Variants in ANKUB1 observed in about 807,000 individuals in gnomAD.
ANKUB1 encodes the protein protein ANKUB1.
In ANKUB1, 42 loss-of-function variants were observed where a neutral mutation model predicts 49.3. The observed-to-expected ratio is 0.85, with a 90% CI of 0.67 to 1.10. ANKUB1 has a LOEUF of 1.10. ANKUB1 is among the 50% of genes least tolerant of loss of function. The probability of loss-of-function intolerance (pLI) is 0.00; values close to 1 mark genes in which losing one functional copy is unlikely to be tolerated. For synonymous variants in ANKUB1, 222 were observed against 231.0 expected, an observed-to-expected ratio of 0.96 and a Z score of 0.35; for missense variants, 613 against 642.0, an observed-to-expected ratio of 0.95 and a Z score of 0.49.
intron 3 of ANKUB1, among the ~76,000 whole-genome samples, chr3:149,771,935 G>A (rs1243047480): frequency 6.7e-6 from 1 of 150,178 alleles, no homozygotes; most frequent in Non-Finnish European, 1.5e-5. Flanking sequence ...CACCCAACCT[G>A]CTTTTTCTCC....
chr3:149,766,933 G>C, intron 5 of ANKUB1: 2 of 1,105,618 alleles, frequency 1.8e-6, no homozygotes, highest in Non-Finnish European at 2.6e-6. Context: ...TTTCCCTCCT[G>C]AAAGTTTGAG....
chr3:149,779,780 T>TC, intron 3 of ANKUB1: 1 of 164,606 alleles, frequency 6.1e-6, no homozygotes, highest in Admixed American at 5.7e-5. Context: ...ACCCTGAGGA[T>TC]ATTAATGAAT....
intron 5 of ANKUB1, among the ~76,000 whole-genome samples, chr3:149,765,008 T>C (rs1402011779): frequency 6.6e-6 from 1 of 152,188 alleles, no homozygotes; most frequent in Admixed American, 6.6e-5. Flanking sequence ...CCAAAACTCA[T>C]ATGCAAGAAC....
chr3:149,788,582 T>C (rs1252199975), intron 2 of ANKUB1, among the ~76,000 whole-genome samples: 6 of 152,126 alleles, frequency 3.9e-5, no homozygotes, highest in Non-Finnish European at 8.8e-5. Flanking sequence ...CTTTTACCCC[T>C]ACTTTTTATT....
intron 2 of ANKUB1, among the ~76,000 whole-genome samples, chr3:149,790,262 C>T (rs527305034): frequency 1.9e-4 from 29 of 152,248 alleles, no homozygotes; most frequent in East Asian, 9.7e-4. Flanking sequence ...AACCGTGCAT[C>T]TTAAGCACCA....
rs1245862690 is a variant in ANKUB1, at chr3:149,767,292, A to C, written c.1370T>G (p.Val457Gly). 4 of 1,551,290 alleles carry C rather than the reference A, an allele frequency of 2.6e-6. No homozygotes were observed. In the Admixed American group the frequency reaches 7.8e-5, roughly 30 times the overall value. ...GAAAAACGATGGATGTGAATATCCC[A>C]CTCTTGAAACTGGAGGGAGGGGGAC... ...PQVPLPPVSRVGYSHPSFFYA... is the reference protein window; with the variant it reads ...PQVPLPPVSRGGYSHPSFFYA... Residue 457 changes from valine to glycine, a missense_variant, in exon 5 of 6, where the codon GTG (valine) becomes GGG (glycine). Coordinates refer to ENST00000446160, the MANE Select transcript of ANKUB1 (RefSeq NM_001144960.3).
At chr3:149,778,012 T>C (rs1294403743) in intron 3 of ANKUB1, among the ~76,000 whole-genome samples, 1 of 152,218 alleles carries the variant, frequency 6.6e-6, no homozygotes, top group Non-Finnish European at 1.5e-5. Flanking sequence ...CAACTCCTGA[T>C]AGCAGCAGGG....
chr3:149,780,011 T>G (rs1273648496), intron 3 of ANKUB1: 11 of 538,120 alleles, frequency 2.0e-5, no homozygotes, highest in African/African-American at 1.9e-4. Context: ...GGGAACTAAG[T>G]GCTTGTAAGG....
chr3:149,791,070 C>T, intron 1 of ANKUB1, 146 bp from the exon 2 acceptor site: 1 of 687,348 alleles, frequency 1.5e-6, no homozygotes, highest in Non-Finnish European at 2.2e-6. Context: ...GGGTTCTTAA[C>T]TTAGAGAACT....
At chr3:149,761,893 C>G (rs1035485825) in intron 5 of ANKUB1, among the ~76,000 whole-genome samples, 1 of 152,162 alleles carries the variant, frequency 6.6e-6, no homozygotes, top group Admixed American at 6.6e-5. Flanking sequence ...AACTTTTTCT[C>G]TCTCCTCTCT....
At chr3:149,766,159 T>C (rs1717004563) in intron 5 of ANKUB1, among the ~76,000 whole-genome samples, 2 of 152,214 alleles carry the variant, frequency 1.3e-5, no homozygotes, top group Admixed American at 1.3e-4. Context: ...TTGTGTACCT[T>C]AAACATCTAA....
At chr3:149,787,727 A>T (rs1261604922) in intron 2 of ANKUB1, among the ~76,000 whole-genome samples, 1 of 152,214 alleles carries the variant, frequency 6.6e-6, no homozygotes, top group Non-Finnish European at 1.5e-5. Context: ...TATACAGGGA[A>T]GCTGGAAAAA....
chr3:149,777,707 A>G (rs911969443), intron 3 of ANKUB1, among the ~76,000 whole-genome samples: 1 of 152,010 alleles, frequency 6.6e-6, no homozygotes, highest in Non-Finnish European at 1.5e-5. Flanking sequence ...CAGATGATCC[A>G]TGGTTCCCAC....
At chr3:149,785,097 T>C (rs1718036497) in intron 2 of ANKUB1, among the ~76,000 whole-genome samples, 1 of 152,046 alleles carries the variant, frequency 6.6e-6, no homozygotes. Context: ...CATGCTATGG[T>C]TTATAGGAAC....
At position 149,785,882 on chromosome 3, in the gene ANKUB1, G is replaced by A. The variant is rs182362917; in HGVS notation, c.234+4899C>T. ...ACTAGTTTACAGTCCCACCAACAGT[G>A]TAAAAGTGTTCTTATTTCTCCACAT... On this transcript the variant is annotated intron_variant, in intron 2 of 5. Coordinates refer to ENST00000446160, the MANE Select transcript of ANKUB1 (RefSeq NM_001144960.3). Among the ~76,000 whole-genome samples, 396 of 152,274 alleles carry A rather than the reference G, an allele frequency of 2.6e-3. 2 individuals carry two copies. Among genetic ancestry groups the A allele is most frequent in the African/African-American group, 9.1e-3 (377 of 41,566 alleles).
chr3:149,777,034 C>T (rs1717625520), intron 3 of ANKUB1, among the ~76,000 whole-genome samples: 1 of 152,000 alleles, frequency 6.6e-6, no homozygotes, highest in African/African-American at 2.4e-5. Context: ...CTGTGTTTCA[C>T]AGATTTGTCT....
In ANKUB1 at chr3:149,792,266, G is replaced by C; in HGVS notation, c.90+11C>G. The stretch of plus-strand genomic sequence containing the variant: ...ATATACATTTTGGTGGTTTGGGAAC[G>C]AAGTACATACCTTTATCATCAGCTT... On this transcript the variant is annotated intron_variant, in intron 1 of 5. Coordinates refer to ENST00000446160, the MANE Select transcript of ANKUB1 (RefSeq NM_001144960.3). 6.8e-7 allele frequency: 1 copy of C among 1,462,108 alleles called. No homozygotes were observed. Among genetic ancestry groups the C allele is most frequent in the Non-Finnish European group, 9.1e-7 (1 of 1,098,950 alleles). 90.6% of individuals were successfully genotyped at this position (1,462,108 alleles called of 1,614,324 possible). A position where few individuals can be genotyped will look rare whatever the true frequency, so the allele number is the denominator to read the frequency against.
At position 149,769,410 on chromosome 3, in the gene ANKUB1, G is replaced by A. The variant is rs375402273; in HGVS notation, c.566+1150C>T. On this transcript the variant is annotated intron_variant, in intron 4 of 5. Transcript: ENST00000446160. ...TTACATGTGAGCTTAGGAAGACGTG[G>A]CCAATGTTTTCAGCCAATTAACAAG... 3.9e-5 allele frequency among the ~76,000 whole-genome samples: 6 copies of A among 152,332 alleles called. No homozygotes were observed. The East Asian group carries it at 9.6e-4, about 24-fold the overall frequency.
intron 3 of ANKUB1, 86 bp from the exon 4 acceptor site, chr3:149,770,760 A>G (rs1368642502): frequency 1.3e-6 from 1 of 771,556 alleles, no homozygotes; most frequent in East Asian, 2.9e-5. Context: ...GCTTTCCCCA[A>G]ACAGAGGCTT....
Sources: gnomAD v4.1 joint callset for allele counts (sites outside exome capture counted in the v4.1 genomes callset) on GRCh38, gnomAD v4.1.1 for gene constraint, MANE v1.5 for transcripts, NCBI Gene and HGNC (gene_info 2026-07-23, HGNC 2026-07-21) for gene names.